CDH9: variants seen among roughly 807,000 people sequenced by gnomAD.
CDH9 encodes cadherin-9.
CDH9 carries 28 observed loss-of-function variants against 70.9 expected under a neutral mutation model. The observed-to-expected ratio is 0.40, with a 90% CI of 0.29 to 0.54. The LOEUF (loss-of-function observed/expected upper bound fraction) is 0.54. Ranked by LOEUF, CDH9 falls within the 20% of genes least tolerant of loss-of-function variation. The pLI is 0.59. For missense variants in CDH9, 874 were observed against 984.4 expected (o/e 0.89, Z 1.50); for synonymous variants, 409 against 343.1 (o/e 1.19, Z -2.12).
At chr5:26,928,545 A>T (rs1452523815) in intron 2 of CDH9, among the ~76,000 whole-genome samples, 1 of 152,066 alleles carries the variant, frequency 6.6e-6, no homozygotes, top group African/African-American at 2.4e-5. Context: ...AAGTTATCCT[A>T]AGCACAAAGA....
At position 26,885,053 on chromosome 5, in the gene CDH9, C is replaced by A. The variant is rs572727129; in HGVS notation, c.1882+561G>T. ...GGGGAAAATGTCTAACTTACTGTGACAACTTTAACACATTTGCATGTTAGA... is the reference window on the plus strand; with the variant it reads ...GGGGAAAATGTCTAACTTACTGTGAAAACTTTAACACATTTGCATGTTAGA... On this transcript the variant is annotated intron_variant, in intron 11 of 11. Transcript: ENST00000231021. Among the ~76,000 whole-genome samples, 3 of 152,242 alleles carry A rather than the reference C, an allele frequency of 2.0e-5. No homozygotes were observed. The East Asian group carries it at 5.8e-4, about 29-fold the overall frequency.
At chr5:26,918,970 T>C (rs1028526006) in intron 2 of CDH9, among the ~76,000 whole-genome samples, 2 of 152,090 alleles carry the variant, frequency 1.3e-5, no homozygotes, top group Admixed American at 6.5e-5. Context: ...AACATCTGAG[T>C]TTAACATCTT....
At chr5:26,912,552 A>G (rs1741072449) in intron 3 of CDH9, among the ~76,000 whole-genome samples, 1 of 151,260 alleles carries the variant, frequency 6.6e-6, no homozygotes, top group African/African-American at 2.4e-5. Flanking sequence ...ATTAAAATGC[A>G]GGGGTTTTAT....
intron 8 of CDH9, among the ~76,000 whole-genome samples, chr5:26,890,163 T>C (rs972371360): frequency 1.3e-5 from 2 of 152,340 alleles, no homozygotes; most frequent in South Asian, 4.1e-4. Context: ...AAGTATTATT[T>C]GTAATAGATA....
chr5:27,020,873 T>C (rs142895189), intron 1 of CDH9, among the ~76,000 whole-genome samples: 4 of 151,784 alleles, frequency 2.6e-5, no homozygotes, highest in Non-Finnish European at 5.9e-5. Context: ...TCTGGATAAA[T>C]AGTATTTTAA....
At chr5:27,011,711 A>G (rs990030918) in intron 1 of CDH9, among the ~76,000 whole-genome samples, 2 of 152,054 alleles carry the variant, frequency 1.3e-5, no homozygotes, top group African/African-American at 4.8e-5. Flanking sequence ...TTTTTCAGCT[A>G]TGCTTTAGCA....
chr5:26,881,174 C>A lies in CDH9; in HGVS notation c.2332G>T (p.Ala778Ser). ...CTATCATCACCCCCATACATATCGG[C>A]AAGTTTTTTGAAACGAGGCCCCCAG... ...SDWGPRFKKLADMYGGDDSDR... is the reference protein window; with the variant it reads ...SDWGPRFKKLSDMYGGDDSDR... The change falls in exon 12 of 12, where the codon GCC (alanine) becomes TCC (serine). Residue 778 changes from alanine (A) to serine (S), a missense_variant. Ala to Ser is a moderately conservative substitution (Grantham distance 99). Transcript: ENST00000231021. The A allele has an allele frequency of 6.2e-7, 1 of 1,612,732 alleles. No homozygotes were observed. Among genetic ancestry groups the A allele is most frequent in the Non-Finnish European group, 8.5e-7 (1 of 1,179,270 alleles).
intron 1 of CDH9, among the ~76,000 whole-genome samples, chr5:27,034,858 G>C (rs570796153): frequency 6.6e-6 from 1 of 151,560 alleles, no homozygotes; most frequent in African/African-American, 2.4e-5. Context: ...ATGTAGAAGA[G>C]TGCTATAAAG....
intron 2 of CDH9, among the ~76,000 whole-genome samples, chr5:26,948,374 A>G (rs1166059363): frequency 7.9e-5 from 12 of 152,338 alleles, no homozygotes; most frequent in South Asian, 2.1e-4. Context: ...AAAATATTCA[A>G]TGTGCCCAGA....
intron 2 of CDH9, among the ~76,000 whole-genome samples, chr5:26,955,894 ATT>A (rs1194320023): frequency 6.6e-6 from 1 of 152,218 alleles, no homozygotes; most frequent in African/African-American, 2.4e-5. Context: ...AGGTCTGCAA[ATT>A]CACACCAATG....
chr5:26,915,967 T>C, intron 2 of CDH9, 43 bp from the exon 3 acceptor site: 1 of 1,314,234 alleles, frequency 7.6e-7, no homozygotes, highest in Non-Finnish European at 1.1e-6. Flanking sequence ...ATATATACAT[T>C]ATCATTACAT....
chr5:27,002,490 A>G (rs1283836756), intron 1 of CDH9, among the ~76,000 whole-genome samples: 1 of 152,192 alleles, frequency 6.6e-6, no homozygotes, highest in Admixed American at 6.5e-5. Context: ...TTGTGGCACT[A>G]TTCACAATAG....
intron 2 of CDH9, among the ~76,000 whole-genome samples, chr5:26,984,429 G>A (rs1298166673): frequency 6.6e-6 from 1 of 151,996 alleles, no homozygotes; most frequent in African/African-American, 2.4e-5. Context: ...CTGTGTCTGG[G>A]TATTGGGTTT....
intron 3 of CDH9, among the ~76,000 whole-genome samples, chr5:26,907,205 A>T (rs1273367404): frequency 1.3e-5 from 2 of 152,284 alleles, no homozygotes; most frequent in East Asian, 3.9e-4. Flanking sequence ...AACTGGAAAC[A>T]TGTATTTAAA....
intron 2 of CDH9, among the ~76,000 whole-genome samples, chr5:26,953,597 T>C (rs1238742200): frequency 6.6e-6 from 1 of 152,190 alleles, no homozygotes; most frequent in Admixed American, 6.5e-5. Flanking sequence ...TTCCCAACAA[T>C]GTCAAATGAG....
chr5:26,884,360 C>T (rs1740524606), intron 11 of CDH9, among the ~76,000 whole-genome samples: 1 of 152,120 alleles, frequency 6.6e-6, no homozygotes, highest in East Asian at 1.9e-4. Flanking sequence ...TAACAATAAA[C>T]ATATTTACAT....
chr5:26,908,072 C>T (rs1335321383), intron 3 of CDH9, among the ~76,000 whole-genome samples: 1 of 152,104 alleles, frequency 6.6e-6, no homozygotes, highest in African/African-American at 2.4e-5. Flanking sequence ...TTGAGCAAGG[C>T]TTTTTAATGT....
chr5:27,011,647 T>G (rs1742960912), intron 1 of CDH9, among the ~76,000 whole-genome samples: 1 of 152,214 alleles, frequency 6.6e-6, no homozygotes, highest in Admixed American at 6.6e-5. Flanking sequence ...TTAAAGTTAA[T>G]TTTTATTATT....
At chr5:26,892,174 T>C (rs1253506955) in intron 7 of CDH9, among the ~76,000 whole-genome samples, 5 of 152,248 alleles carry the variant, frequency 3.3e-5, no homozygotes, top group African/African-American at 1.2e-4. Context: ...GATTAATTTA[T>C]ATGAAAGTCC....
Sources: allele counts gnomAD v4.1 joint callset (sites outside exome capture counted in the v4.1 genomes callset), GRCh38; gene constraint gnomAD v4.1.1; transcripts MANE v1.5; gene names NCBI Gene and HGNC (gene_info 2026-07-23, HGNC 2026-07-21).